CACNB2: variants seen among roughly 807,000 people sequenced by gnomAD.
The protein encoded by CACNB2 is calcium voltage-gated channel auxiliary subunit beta 2.
Under a neutral mutation model 73.3 loss-of-function variants are expected in CACNB2, and 42 were observed. That is an observed-to-expected ratio of 0.57 (90% CI 0.45 to 0.74). The LOEUF (loss-of-function observed/expected upper bound fraction) is 0.74, where lower values mean the gene tolerates loss of function less well. CACNB2 is among the 30% of genes least tolerant of loss of function. The pLI is 0.00. For synonymous variants in CACNB2, 348 were observed against 310.3 expected, an observed-to-expected ratio of 1.12 and a Z score of -1.28; for missense variants, 940 against 853.0, an observed-to-expected ratio of 1.10 and a Z score of -1.27.
rs529744725 is a variant in CACNB2, at chr10:18,327,268, TG to T, written c.214-74655del. Among the ~76,000 whole-genome samples the T allele has an allele frequency of 3.3e-3, 505 of 152,336 alleles. 2 individuals carry two copies. Among genetic ancestry groups the T allele is most frequent in the African/African-American group, 0.012 (481 of 41,578 alleles). On this transcript the variant is annotated intron_variant, in intron 2 of 13. Coordinates refer to ENST00000324631, the MANE Select transcript of CACNB2 (RefSeq NM_201596.3). The stretch of plus-strand genomic sequence containing the variant: ...TTAATTATATAAAGAACATGTTTTT[TG>T]TAAGTATATCCATTATATTTTCATA...
At position 18,538,356 on chromosome 10, in the gene CACNB2, T is replaced by C. The variant is rs773177755; in HGVS notation, c.1479T>C (p.Ser493=). The C allele has an allele frequency of 8.7e-6, 14 of 1,614,032 alleles. No homozygotes were observed. In the South Asian group the frequency reaches 1.2e-4, roughly 14 times the overall value. ...SSLPLSPTLA[S]NSQGSQGDQR... Reference sequence around the variant, plus strand: ...TGCCTCTTAGCCCCACCCTAGCCTCTAATTCACAGGTAAGGGGAGTTTTTA... The same window carrying C: ...TGCCTCTTAGCCCCACCCTAGCCTCCAATTCACAGGTAAGGGGAGTTTTTA... The change falls in exon 13 of 14, where the codon TCT becomes TCC. Residue 493 remains serine (S), a synonymous_variant. Transcript: ENST00000324631.
At chr10:18,407,094 G>A (rs2044329177) in intron 3 of CACNB2, among the ~76,000 whole-genome samples, 1 of 109,718 alleles carries the variant, frequency 9.1e-6, no homozygotes, top group Non-Finnish European at 2.0e-5. Context: ...CTAAAGTCCA[G>A]ACCTGCTGTT....
At chr10:18,508,465 A>G (rs530602556) in intron 6 of CACNB2, among the ~76,000 whole-genome samples, 18 of 152,262 alleles carry the variant, frequency 1.2e-4, no homozygotes, top group Admixed American at 3.9e-4. Flanking sequence ...ATATATCTCA[A>G]AGATGATTTC....
At chr10:18,501,772 A>C (rs865832569) in intron 5 of CACNB2, among the ~76,000 whole-genome samples, 1 of 152,320 alleles carries the variant, frequency 6.6e-6, no homozygotes, top group South Asian at 2.1e-4. Context: ...ATAATACTTT[A>C]CTGTGAGCAA....
chr10:18,413,815 A>G (rs150791054), intron 3 of CACNB2, among the ~76,000 whole-genome samples: 79 of 152,328 alleles, frequency 5.2e-4, no homozygotes, highest in African/African-American at 1.8e-3. Flanking sequence ...ATAATTGAAT[A>G]AGCTGTTACG....
At chr10:18,400,221 G>A (rs536917685) in intron 2 of CACNB2, among the ~76,000 whole-genome samples, 24 of 152,302 alleles carry the variant, frequency 1.6e-4, no homozygotes, top group African/African-American at 5.8e-4. Context: ...TGACTGATGA[G>A]CATTATTTGA....
rs891270347 is a variant in CACNB2 at position 18,153,256 on chromosome 10, G to A, written c.213+2281G>A. Among the ~76,000 whole-genome samples the A allele has an allele frequency of 3.3e-5, 5 of 152,096 alleles. No homozygotes were observed. In the South Asian group the frequency reaches 6.2e-4, roughly 19 times the overall value. ...CTGTTTCCTAGAATATCAATAGGAC[G>A]AGGTGTTTGCTATGGCATGGCTTTT... On this transcript the variant is annotated intron_variant, in intron 2 of 13. Coordinates refer to ENST00000324631, the MANE Select transcript of CACNB2 (RefSeq NM_201596.3).
rs183898044 is a variant in CACNB2 at position 18,461,359 on chromosome 10, T to C, written c.334-36996T>C. Among the ~76,000 whole-genome samples the C allele has an allele frequency of 4.1e-3, 628 of 152,334 alleles. 5 individuals are homozygous for C. Among genetic ancestry groups the C allele is most frequent in the African/African-American group, 0.014 (582 of 41,572 alleles). ...TGTCTTGCTGTAACAGATCACTCTCTGGTCAGACCCCTTTCAAGGCTTTAA... is the reference window on the plus strand; with the variant it reads ...TGTCTTGCTGTAACAGATCACTCTCCGGTCAGACCCCTTTCAAGGCTTTAA... On this transcript the variant is annotated intron_variant, in intron 3 of 13. Transcript: ENST00000324631.
intron 2 of CACNB2, among the ~76,000 whole-genome samples, chr10:18,326,881 C>A (rs1205006410): frequency 6.6e-6 from 1 of 152,122 alleles, no homozygotes; most frequent in African/African-American, 2.4e-5. Flanking sequence ...CATGTGCCAC[C>A]ATGCCCAGCA....
rs559443439 is a variant in CACNB2 at position 18,417,806 on chromosome 10, G to A, written c.333+15763G>A. Among the ~76,000 whole-genome samples the A allele has an allele frequency of 1.9e-4, 29 of 152,178 alleles. 2 individuals are homozygous for A. The South Asian group carries it at 6.0e-3, about 32-fold the overall frequency. The stretch of plus-strand genomic sequence containing the variant: ...AAAATAATCAAATATCTAGGAAATA[G>A]ATTGTATGAAGAATGCTGAAGAAAC... On this transcript the variant is annotated intron_variant, in intron 3 of 13. Coordinates refer to ENST00000324631, the MANE Select transcript of CACNB2 (RefSeq NM_201596.3).
intron 2 of CACNB2, among the ~76,000 whole-genome samples, chr10:18,224,805 G>A (rs965660331): frequency 6.6e-6 from 1 of 152,182 alleles, no homozygotes; most frequent in Non-Finnish European, 1.5e-5. Flanking sequence ...TCGAAGTCAT[G>A]CCATCTCCAG....
At chr10:18,236,520 C>A (rs2036452573) in intron 2 of CACNB2, among the ~76,000 whole-genome samples, 2 of 152,166 alleles carry the variant, frequency 1.3e-5, no homozygotes, top group Non-Finnish European at 2.9e-5. Context: ...AGTAGGCCCC[C>A]CAAGAGCAAG....
intron 2 of CACNB2, among the ~76,000 whole-genome samples, chr10:18,390,466 C>A (rs1322952594): frequency 6.6e-6 from 1 of 152,206 alleles, no homozygotes; most frequent in Non-Finnish European, 1.5e-5. Flanking sequence ...CCCACCTTGG[C>A]CTCCCAAAGT....
intron 3 of CACNB2, among the ~76,000 whole-genome samples, chr10:18,420,965 A>G (rs2045286199): frequency 6.6e-6 from 1 of 152,208 alleles, no homozygotes; most frequent in African/African-American, 2.4e-5. Context: ...AAGTTTACCA[A>G]ACATGAACCA....
intron 3 of CACNB2, among the ~76,000 whole-genome samples, chr10:18,418,847 G>A (rs1035641593): frequency 6.6e-6 from 1 of 152,180 alleles, no homozygotes; most frequent in Non-Finnish European, 1.5e-5. Context: ...ACAGGAAGTA[G>A]GCAAAAATGT....
intron 3 of CACNB2, among the ~76,000 whole-genome samples, chr10:18,451,432 G>C (rs950294084): frequency 1.3e-5 from 2 of 152,254 alleles, no homozygotes; most frequent in East Asian, 1.9e-4. Flanking sequence ...CATGGATAGA[G>C]AGTTTCTGTC....
At chr10:18,190,724 A>T (rs2034357577) in intron 2 of CACNB2, among the ~76,000 whole-genome samples, 2 of 152,166 alleles carry the variant, frequency 1.3e-5, no homozygotes, top group Non-Finnish European at 2.9e-5. Flanking sequence ...TATTCAGGCC[A>T]AGGGTTTGAG....
intron 3 of CACNB2, among the ~76,000 whole-genome samples, chr10:18,493,396 G>C (rs1009223710): frequency 7.2e-5 from 11 of 152,138 alleles, no homozygotes; most frequent in African/African-American, 2.7e-4. Context: ...TCAAACTCCT[G>C]ATCTCGTGAT....
intron 2 of CACNB2, among the ~76,000 whole-genome samples, chr10:18,381,088 G>A (rs10828616): frequency 0.25 from 37,738 of 151,292 alleles, 5,233 homozygotes; most frequent in East Asian, 0.66. Flanking sequence ...CAGAGCTGTG[G>A]ATACTAACTG....
Sources: gnomAD v4.1 joint callset for allele counts (sites outside exome capture counted in the v4.1 genomes callset) on GRCh38, gnomAD v4.1.1 for gene constraint, MANE v1.5 for transcripts, NCBI Gene and HGNC (gene_info 2026-07-23, HGNC 2026-07-21) for gene names.